MYO16: variants seen among roughly 807,000 people sequenced by gnomAD.
The protein encoded by MYO16 is myosin XVI.
A neutral mutation model predicts 205.3 loss-of-function variants in MYO16; 94 were observed. The observed-to-expected ratio is 0.46, with a 90% CI of 0.39 to 0.54. MYO16 has a LOEUF of 0.54. Ranked by LOEUF, MYO16 falls within the 20% of genes least tolerant of loss-of-function variation. The pLI is 0.00. For synonymous variants in MYO16, 988 were observed against 954.0 expected (o/e 1.04, Z -0.66); for missense variants, 2,315 against 2,387.5 (o/e 0.97, Z 0.63).
chr13:108,528,486 T>A, the MYO16 span, among the ~76,000 whole-genome samples: 3 of 151,870 alleles, frequency 2.0e-5, no homozygotes, highest in South Asian at 6.2e-4. Flanking sequence ...ATGTATTAAC[T>A]AGAAAATATT....
chr13:108,622,940 G>A (rs1248627746), intron 1 of MYO16, among the ~76,000 whole-genome samples: 9 of 152,234 alleles, frequency 5.9e-5, no homozygotes, highest in Admixed American at 2.0e-4. Context: ...AGGACTCTAA[G>A]CTTTTATAAG....
chr13:108,585,719 G>C, the MYO16 span, among the ~76,000 whole-genome samples: 3 of 152,120 alleles, frequency 2.0e-5, no homozygotes, highest in African/African-American at 7.2e-5. Context: ...GAGTCAGATT[G>C]AAAAGTAAGT....
intron 7 of MYO16, among the ~76,000 whole-genome samples, chr13:108,810,746 G>A (rs1887265733): frequency 1.3e-5 from 2 of 152,230 alleles, no homozygotes; most frequent in Non-Finnish European, 2.9e-5. Context: ...ATTTTAGAGA[G>A]ACTAATGGCA....
intron 2 of MYO16, among the ~76,000 whole-genome samples, chr13:108,704,669 A>G (rs1883435345): frequency 6.6e-6 from 1 of 152,064 alleles, no homozygotes; most frequent in Non-Finnish European, 1.5e-5. Context: ...ACAATTGATA[A>G]ACCTACATTG....
chr13:108,648,653 G>A (rs902983973), intron 1 of MYO16, among the ~76,000 whole-genome samples: 1 of 151,908 alleles, frequency 6.6e-6, no homozygotes, highest in Non-Finnish European at 1.5e-5. Context: ...TCAAAAGAGG[G>A]CAGAACTAGT....
At chr13:108,602,386 ACT>A (rs1878798121) in intron 1 of MYO16, among the ~76,000 whole-genome samples, 1 of 151,876 alleles carries the variant, frequency 6.6e-6, no homozygotes, top group African/African-American at 2.4e-5. Flanking sequence ...TCTCTGATGC[ACT>A]CTTTGCTAGT....
chr13:108,826,754 C>G (rs1876291963), intron 9 of MYO16, among the ~76,000 whole-genome samples: 1 of 152,082 alleles, frequency 6.6e-6, no homozygotes, highest in Non-Finnish European at 1.5e-5. Context: ...AAGATACAAT[C>G]ATAGCCCACA....
At chr13:109,045,415 C>T (rs535582371) in intron 23 of MYO16, among the ~76,000 whole-genome samples, 26 of 152,266 alleles carry the variant, frequency 1.7e-4, no homozygotes, top group African/African-American at 5.8e-4. Context: ...CATTTAACAA[C>T]GTATGGTGTG....
intron 16 of MYO16, among the ~76,000 whole-genome samples, chr13:108,954,983 C>T (rs2139349971): frequency 6.6e-6 from 1 of 152,314 alleles, no homozygotes; most frequent in South Asian, 2.1e-4. Flanking sequence ...GCGGCATCAG[C>T]TGAGCTCCTG....
At chr13:108,796,024 G>A (rs189421288) in intron 6 of MYO16, among the ~76,000 whole-genome samples, 130 of 152,316 alleles carry the variant, frequency 8.5e-4, no homozygotes, top group Non-Finnish European at 1.5e-3. Context: ...TCAGGGGCGA[G>A]TGTGGTGTGC....
chr13:108,649,256 TAAAGG>T (rs1212086368), intron 1 of MYO16, among the ~76,000 whole-genome samples: 1 of 152,144 alleles, frequency 6.6e-6, no homozygotes, highest in Non-Finnish European at 1.5e-5. Flanking sequence ...TTATCAAACT[TAAAGG>T]AAAGATCCTG....
chr13:108,501,666 G>A, the MYO16 span, among the ~76,000 whole-genome samples: 45 of 152,260 alleles, frequency 3.0e-4, no homozygotes, highest in African/African-American at 1.1e-3. Context: ...ACCACCAGTG[G>A]GCCAGTTCCA....
chr13:109,053,671 G>T (rs1214459301), intron 25 of MYO16, among the ~76,000 whole-genome samples: 1 of 152,058 alleles, frequency 6.6e-6, no homozygotes, highest in East Asian at 1.9e-4. Flanking sequence ...CCCAGAAAGG[G>T]AACTGGAGTG....
chr13:108,996,561 T>C (rs554190764), intron 21 of MYO16, among the ~76,000 whole-genome samples: 51 of 152,326 alleles, frequency 3.3e-4, no homozygotes, highest in African/African-American at 1.2e-3. Context: ...ACTAAAGTAG[T>C]TACCTGTTTA....
chr13:108,854,746 T>C (rs1878077652), intron 10 of MYO16, among the ~76,000 whole-genome samples: 1 of 152,220 alleles, frequency 6.6e-6, no homozygotes, highest in South Asian at 2.1e-4. Context: ...AAATTGCCCA[T>C]TTCTAATTTG....
chr13:108,636,346 CTTTTT>C (rs71125326), intron 1 of MYO16, among the ~76,000 whole-genome samples: 3,300 of 80,640 alleles, frequency 0.041, 102 homozygotes, highest in East Asian at 0.22. Context: ...AAATATTTCC[CTTTTT>C]TTTTTTTTTT....
At chr13:108,718,638 G>A (rs188485149) in intron 3 of MYO16, among the ~76,000 whole-genome samples, 559 of 152,148 alleles carry the variant, frequency 3.7e-3, no homozygotes, top group African/African-American at 0.013. Context: ...GCTGCCTGTC[G>A]CTGGCAAACA....
At chr13:109,072,674 G>C (rs1400888604) in intron 27 of MYO16, among the ~76,000 whole-genome samples, 6 of 152,018 alleles carry the variant, frequency 3.9e-5, no homozygotes, top group African/African-American at 1.4e-4. Flanking sequence ...AACCACGGCT[G>C]CTCACTAGAC....
At chr13:108,827,795 A>G (rs960834762) in intron 9 of MYO16, among the ~76,000 whole-genome samples, 7 of 152,088 alleles carry the variant, frequency 4.6e-5, no homozygotes, top group African/African-American at 1.2e-4. Flanking sequence ...TGTTATTGCC[A>G]CTAATGAAAC....
Sources: gnomAD v4.1 joint callset for allele counts (sites outside exome capture counted in the v4.1 genomes callset) on GRCh38, gnomAD v4.1.1 for gene constraint, MANE v1.5 for transcripts, NCBI Gene and HGNC (gene_info 2026-07-23, HGNC 2026-07-21) for gene names.